Variants in CNTN4 observed in about 807,000 individuals in gnomAD.
The protein encoded by CNTN4 is contactin-4.
A neutral mutation model predicts 122.5 loss-of-function variants in CNTN4; 77 were observed. That is an observed-to-expected ratio of 0.63 (90% CI 0.52 to 0.76). The LOEUF (loss-of-function observed/expected upper bound fraction) is 0.76, where lower values mean the gene tolerates loss of function less well. CNTN4 is among the 30% of genes least tolerant of loss of function. The probability of loss-of-function intolerance (pLI) is 0.00; values close to 1 mark genes in which losing one functional copy is unlikely to be tolerated. For missense variants in CNTN4, 1,256 were observed against 1,259.1 expected (o/e 1.00, Z 0.04); for synonymous variants, 512 against 447.0 (o/e 1.15, Z -1.83).
At chr3:2,201,284 A>G (rs1386938568) in intron 2 of CNTN4, among the ~76,000 whole-genome samples, 1 of 152,202 alleles carries the variant, frequency 6.6e-6, no homozygotes, top group African/African-American at 2.4e-5. Context: ...AAGAGAAGTT[A>G]AAAAAACTGC....
intron 3 of CNTN4, among the ~76,000 whole-genome samples, chr3:2,527,463 T>C (rs553260743): frequency 1.3e-5 from 2 of 152,306 alleles, no homozygotes; most frequent in East Asian, 3.9e-4. Flanking sequence ...GCGGTTGTTG[T>C]GGTTGTGTGA....
At chr3:2,745,055 A>C (rs901887190) in intron 5 of CNTN4, among the ~76,000 whole-genome samples, 6 of 152,232 alleles carry the variant, frequency 3.9e-5, no homozygotes, top group Non-Finnish European at 8.8e-5. Context: ...AGTCATATTA[A>C]GGACCAAATC....
intron 2 of CNTN4, among the ~76,000 whole-genome samples, chr3:2,125,677 C>A (rs2034101403): frequency 6.6e-6 from 1 of 151,688 alleles, no homozygotes; most frequent in Non-Finnish European, 1.5e-5. Flanking sequence ...ACTGCCTCAG[C>A]CTCCTGAGTA....
At chr3:3,004,732 T>A (rs1249427712) in intron 14 of CNTN4, among the ~76,000 whole-genome samples, 1 of 152,254 alleles carries the variant, frequency 6.6e-6, no homozygotes, top group Non-Finnish European at 1.5e-5. Context: ...CTTCTCTTGC[T>A]GTACTGTTCA....
intron 6 of CNTN4, among the ~76,000 whole-genome samples, chr3:2,804,538 G>C (rs569977920): frequency 9.9e-5 from 15 of 152,186 alleles, no homozygotes; most frequent in Non-Finnish European, 1.9e-4. Flanking sequence ...TTAGGATAAT[G>C]CCTAGCACAT....
intron 4 of CNTN4, among the ~76,000 whole-genome samples, chr3:2,576,113 G>A (rs908983294): frequency 3.3e-5 from 5 of 152,076 alleles, no homozygotes. Context: ...GGAATTACAG[G>A]CGTGAGCCAC....
chr3:2,101,632 A>G (rs2031969428), intron 2 of CNTN4, among the ~76,000 whole-genome samples: 1 of 152,148 alleles, frequency 6.6e-6, no homozygotes, highest in Non-Finnish European at 1.5e-5. Context: ...GGCAGGATTT[A>G]CTGCCTAGAT....
At chr3:2,571,325 G>GT (rs1177695193) in intron 3 of CNTN4, 91 bp from the exon 4 acceptor site, 3 of 642,104 alleles carry the variant, frequency 4.7e-6, no homozygotes, top group Non-Finnish European at 8.5e-6. Context: ...CCACAAGTGA[G>GT]TTTTATTGAT....
chr3:2,692,908 C>T (rs1414151972), intron 4 of CNTN4, among the ~76,000 whole-genome samples: 1 of 147,190 alleles, frequency 6.8e-6, no homozygotes, highest in African/African-American at 2.4e-5. Context: ...ACCTTAAAGA[C>T]TAATTTAAAA....
rs115854202 is a variant in CNTN4 at position 2,750,748 on chromosome 3, T to C, written c.358+5051T>C. Among the ~76,000 whole-genome samples the C allele has an allele frequency of 4.9e-3, 744 of 152,318 alleles. 3 individuals are homozygous for C. Among genetic ancestry groups the C allele is most frequent in the African/African-American group, 0.017 (722 of 41,578 alleles). On this transcript the variant is annotated intron_variant, in intron 6 of 24. Transcript: ENST00000418658. ...ACCTAGGGCTACAAATATGATTGAC[T>C]AGATCCTCTGTGCCTGGCACTTAAT...
At chr3:3,040,694 A>C (rs571799036) in intron 20 of CNTN4, among the ~76,000 whole-genome samples, 238 of 152,316 alleles carry the variant, frequency 1.6e-3, no homozygotes, top group African/African-American at 5.2e-3. Flanking sequence ...TTGGGAGGCC[A>C]AGGCGGGTGG....
intron 4 of CNTN4, among the ~76,000 whole-genome samples, chr3:2,706,360 G>A (rs1297714784): frequency 1.3e-5 from 2 of 152,048 alleles, no homozygotes; most frequent in East Asian, 3.9e-4. Flanking sequence ...ATTACATAAG[G>A]AAAAATGATG....
chr3:2,290,258 G>A (rs991190378), intron 2 of CNTN4, among the ~76,000 whole-genome samples: 6 of 152,162 alleles, frequency 3.9e-5, no homozygotes, highest in Non-Finnish European at 7.4e-5. Context: ...GAGCTTCCGG[G>A]CCATAATGCA....
Position 2,390,943 on chromosome 3 carries a change from T to C in CNTN4, c.-89+51710T>C, listed in dbSNP as rs1460446591. On this transcript the variant is annotated intron_variant, in intron 3 of 24. Coordinates refer to ENST00000418658, the MANE Select transcript of CNTN4 (RefSeq NM_175607.3). ...CAGAAAATATTTTGTTCTTCAAGTATGTTTTTGAGGTTATAAAATAAGAGA... is the reference window on the plus strand; with the variant it reads ...CAGAAAATATTTTGTTCTTCAAGTACGTTTTTGAGGTTATAAAATAAGAGA... Among the ~76,000 whole-genome samples, 3 of 152,216 alleles carry C rather than the reference T, an allele frequency of 2.0e-5. No individual in the cohort carries two copies. The East Asian group carries it at 5.8e-4, about 29-fold the overall frequency.
intron 2 of CNTN4, among the ~76,000 whole-genome samples, chr3:2,171,178 A>G (rs889239309): frequency 2.0e-5 from 3 of 152,168 alleles, no homozygotes; most frequent in African/African-American, 7.2e-5. Flanking sequence ...ACATCCAAAA[A>G]CCATGCACCT....
At chr3:2,105,432 A>G (rs1310590919) in intron 2 of CNTN4, among the ~76,000 whole-genome samples, 1 of 152,226 alleles carries the variant, frequency 6.6e-6, no homozygotes, top group Non-Finnish European at 1.5e-5. Context: ...AAAGAGGTTC[A>G]ATTCACTCAG....
At chr3:2,855,936 G>GT (rs1033951596) in intron 7 of CNTN4, among the ~76,000 whole-genome samples, 22 of 152,018 alleles carry the variant, frequency 1.4e-4, no homozygotes, top group Non-Finnish European at 2.4e-4. Context: ...TAGTCCAGAG[G>GT]TTTTTTTTGT....
intron 4 of CNTN4, among the ~76,000 whole-genome samples, chr3:2,704,050 T>C (rs984734177): frequency 8.6e-5 from 13 of 152,010 alleles, no homozygotes; most frequent in Admixed American, 2.0e-4. Context: ...CCCAGAACTT[T>C]GGGAGGCTGA....
chr3:2,184,443 G>A (rs2037157331), intron 2 of CNTN4, among the ~76,000 whole-genome samples: 1 of 152,086 alleles, frequency 6.6e-6, no homozygotes, highest in Admixed American at 6.6e-5. Context: ...AACCAGCTTG[G>A]GAACACAGGC....
Sources: gnomAD v4.1 joint callset for allele counts (sites outside exome capture counted in the v4.1 genomes callset) on GRCh38, gnomAD v4.1.1 for gene constraint, MANE v1.5 for transcripts, NCBI Gene and HGNC (gene_info 2026-07-23, HGNC 2026-07-21) for gene names.